Variants in GPAT4 observed in about 807,000 individuals in gnomAD.
GPAT4 encodes 1-AGP acyltransferase 6.
Under a neutral mutation model 58.0 loss-of-function variants are expected in GPAT4, and 17 were observed. The observed-to-expected ratio is 0.29, with a 90% confidence interval of 0.20 to 0.44. GPAT4 has a LOEUF of 0.44. Among genes scored for constraint, GPAT4 ranks in the 20% least tolerant of loss-of-function variants. The pLI, the probability that GPAT4 is intolerant of heterozygous loss-of-function variation, is 1.00. For missense variants in GPAT4, 377 were observed against 574.5 expected, an observed-to-expected ratio of 0.66 and a Z score of 3.51; for synonymous variants, 204 against 210.1, an observed-to-expected ratio of 0.97 and a Z score of 0.25.
intron 4 of GPAT4, 144 bp from the exon 5 acceptor site, chr8:41,610,592 T>C (rs755403166): frequency 6.5e-7 from 1 of 1,530,998 alleles, no homozygotes. Context: ...CCTGCTTACA[T>C]TTCTAGGTGA....
intron 1 of GPAT4, among the ~76,000 whole-genome samples, chr8:41,591,340 C>A (rs1269177222): frequency 1.3e-5 from 2 of 152,158 alleles, no homozygotes; most frequent in South Asian, 2.1e-4. Context: ...TTTTATACTT[C>A]TTTCTTTAGA....
intron 1 of GPAT4, among the ~76,000 whole-genome samples, chr8:41,587,052 C>G (rs1486796978): frequency 1.3e-5 from 2 of 152,332 alleles, no homozygotes; most frequent in African/African-American, 2.4e-5. Flanking sequence ...TGGCTCATGC[C>G]CCTGCCATCT....
intron 1 of GPAT4, among the ~76,000 whole-genome samples, chr8:41,582,246 C>T (rs1256749323): frequency 6.6e-6 from 1 of 151,706 alleles, no homozygotes; most frequent in Non-Finnish European, 1.5e-5. Flanking sequence ...TCAGGTGATC[C>T]ACCCACCTCA....
At chr8:41,593,105 T>TAATGACAGC (rs1333130917) in intron 1 of GPAT4, among the ~76,000 whole-genome samples, 7 of 152,234 alleles carry the variant, frequency 4.6e-5, no homozygotes, top group African/African-American at 2.4e-5. Flanking sequence ...TTATTGCTGT[T>TAATGACAGC]AATGACAGCA....
At chr8:41,593,870 C>G (rs1020341119) in intron 1 of GPAT4, among the ~76,000 whole-genome samples, 1 of 152,108 alleles carries the variant, frequency 6.6e-6, no homozygotes, top group Non-Finnish European at 1.5e-5. Context: ...CTTTATAGTC[C>G]TTGGTGCCTT....
chr8:41,618,867 G>T, intron 11 of GPAT4, 31 bp from the exon 12 acceptor site: 1 of 1,614,244 alleles, frequency 6.2e-7, no homozygotes, highest in Non-Finnish European at 8.5e-7. Flanking sequence ...TCAAGCCGGG[G>T]CTGAGTGGTC....
At chr8:41,601,221 A>G (rs528181845) in intron 2 of GPAT4, among the ~76,000 whole-genome samples, 129 of 152,240 alleles carry the variant, frequency 8.5e-4, no homozygotes, top group African/African-American at 2.9e-3. Context: ...GAGCATCGCC[A>G]AGCAGCTGGT....
intron 2 of GPAT4, among the ~76,000 whole-genome samples, chr8:41,600,042 T>TTTTTTTTC (rs1309011312): frequency 7.3e-6 from 1 of 136,288 alleles, no homozygotes; most frequent in East Asian, 2.0e-4. Context: ...TTTTCTTTTT[T>TTTTTTTTC]TTTTTTTTTT....
intron 9 of GPAT4, 33 bp from the exon 10 acceptor site, chr8:41,614,930 A>G: frequency 1.3e-6 from 2 of 1,581,372 alleles, no homozygotes; most frequent in Non-Finnish European, 1.7e-6. Flanking sequence ...AAGGGCCAAC[A>G]GAAATAGCAT....
intron 1 of GPAT4, among the ~76,000 whole-genome samples, chr8:41,595,740 C>T (rs1354971202): frequency 6.6e-6 from 1 of 151,896 alleles, no homozygotes; most frequent in Non-Finnish European, 1.5e-5. Context: ...TTCCTTTTGC[C>T]TCTGCCTCTT....
intron 10 of GPAT4, among the ~76,000 whole-genome samples, chr8:41,615,312 T>C (rs1278152504): frequency 6.6e-6 from 1 of 152,180 alleles, no homozygotes; most frequent in Non-Finnish European, 1.5e-5. Flanking sequence ...ATTCGGGAAA[T>C]GGCAAGCCCT....
intron 2 of GPAT4, 81 bp downstream of exon 2, chr8:41,599,385 T>C: frequency 6.7e-7 from 1 of 1,489,258 alleles, no homozygotes; most frequent in Non-Finnish European, 9.2e-7. Context: ...TACAGGCCTA[T>C]TATCTCTTTA....
At position 41,621,219 on chromosome 8, in the gene GPAT4, C is replaced by T. The variant is rs373067540; in HGVS notation, c.*218C>T. 70 of 600,344 alleles carry T rather than the reference C, an allele frequency of 1.2e-4. 4 individuals are homozygous for T. Among genetic ancestry groups the T allele is most frequent in the East Asian group, 8.3e-4 (29 of 34,740 alleles). The allele number at this position is 600,344 out of a possible 1,614,324, so 37.2% of individuals were successfully genotyped here. Reference sequence around the variant, plus strand: ...TCTAAACGGATGCTGCTGGGTGTTGCGACCCAGGACGAGATGCCTTGTTTC... The same window carrying T: ...TCTAAACGGATGCTGCTGGGTGTTGTGACCCAGGACGAGATGCCTTGTTTC... On this transcript the variant is annotated 3_prime_UTR_variant, in exon 13 of 13. Coordinates refer to ENST00000396987, the MANE Select transcript of GPAT4 (RefSeq NM_178819.4).
chr8:41,583,537 C>T (rs1802578838), intron 1 of GPAT4, among the ~76,000 whole-genome samples: 2 of 152,042 alleles, frequency 1.3e-5, no homozygotes, highest in Admixed American at 1.3e-4. Flanking sequence ...CAGAATATTA[C>T]TTTGAAACAT....
rs753962454 is a variant in GPAT4 at position 41,619,016 on chromosome 8, A to G, written c.1262+39A>G. The G allele has an allele frequency of 5.6e-6, 9 of 1,607,016 alleles. No homozygotes were observed. In the African/African-American group the frequency reaches 8.0e-5, roughly 14 times the overall value. ...CAGGCCTTTTCAGCTGAGTTTCTGC[A>G]GCAGATGCTGTGTCATTGACTTCAC... On this transcript the variant is annotated intron_variant, in intron 12 of 12. Coordinates refer to ENST00000396987, the MANE Select transcript of GPAT4 (RefSeq NM_178819.4).
chr8:41,580,110 A>G (rs1802473124), intron 1 of GPAT4, among the ~76,000 whole-genome samples: 1 of 152,244 alleles, frequency 6.6e-6, no homozygotes, highest in Non-Finnish European at 1.5e-5. Context: ...ATAGGCGAAC[A>G]TGAGCTTTTC....
chr8:41,619,197 G>A (rs967186474), intron 12 of GPAT4: 4 of 601,284 alleles, frequency 6.7e-6, no homozygotes, highest in African/African-American at 1.9e-5. Context: ...TTGATTCTGT[G>A]TACCTTTCTG....
chr8:41,596,526 A>G (rs1375102737), intron 1 of GPAT4, among the ~76,000 whole-genome samples: 1 of 152,234 alleles, frequency 6.6e-6, no homozygotes, highest in Non-Finnish European at 1.5e-5. Context: ...TGGACTCCCA[A>G]GTGCCAGTTC....
chr8:41,594,690 C>T lies in GPAT4; in HGVS notation c.-848-3602C>T, dbSNP rs866897867. On this transcript the variant is annotated intron_variant, in intron 1 of 12. Transcript: ENST00000396987. ...CCTCCCAAGTAGCTGGGACTACAGG[C>T]GCCCGCCACCACACCTGGCTAATTT... Among the ~76,000 whole-genome samples, 34 of 151,900 alleles carry T rather than the reference C, an allele frequency of 2.2e-4. 1 individual carries two copies. Among genetic ancestry groups the T allele is most frequent in the Admixed American group, 1.8e-3 (27 of 15,210 alleles).
Sources: allele counts gnomAD v4.1 joint callset (sites outside exome capture counted in the v4.1 genomes callset), GRCh38; gene constraint gnomAD v4.1.1; transcripts MANE v1.5; gene names NCBI Gene and HGNC (gene_info 2026-07-23, HGNC 2026-07-21).